The following TEX14 variants were observed in gnomAD, a reference collection of about 807,000 sequenced individuals.
TEX14 encodes the protein inactive serine/threonine-protein kinase TEX14.
In TEX14, 168 loss-of-function variants were observed where a neutral mutation model predicts 178.6. That is an observed-to-expected ratio of 0.94 (90% CI 0.83 to 1.07). TEX14 has a LOEUF of 1.07. Ranked by LOEUF, TEX14 falls within the 50% of genes least tolerant of loss-of-function variation. The pLI is 0.00. For missense variants in TEX14, 1,730 were observed against 1,753.6 expected (o/e 0.99, Z 0.24); for synonymous variants, 626 against 634.1 (o/e 0.99, Z 0.19).
intron 1 of TEX14, among the ~76,000 whole-genome samples, chr17:58,685,181 T>C (rs1180513495): frequency 6.6e-6 from 1 of 151,276 alleles, no homozygotes; most frequent in African/African-American, 2.4e-5. Context: ...GGACCTGTTT[T>C]GAAGCACGTT....
At position 58,565,751 on chromosome 17, in the gene TEX14, T is replaced by C. The variant is rs769408547; in HGVS notation, c.3960A>G (p.Ala1320=). 2 of 1,606,786 alleles carry C rather than the reference T, an allele frequency of 1.2e-6. No individual in the cohort carries two copies. Among genetic ancestry groups the C allele is most frequent in the South Asian group, 1.1e-5 (1 of 89,154 alleles). ...CAATCTAGGTAGTTCACTTACCATT[T>C]GCAGTGCCTCCTCCATCACTTGCTG... ...ENTASDGGGT[A]NDQRHLEEQE... The change falls in exon 27 of 32, where the codon GCA becomes GCG. Residue 1320 remains alanine (A), a synonymous_variant. Transcript: ENST00000349033.
chr17:58,671,331 C>A (rs905898897), intron 1 of TEX14, among the ~76,000 whole-genome samples: 9 of 152,186 alleles, frequency 5.9e-5, no homozygotes. Context: ...CTAACATATA[C>A]ACATAGCAGT....
chr17:58,608,053 C>T (rs1198955101), intron 10 of TEX14, among the ~76,000 whole-genome samples: 1 of 152,118 alleles, frequency 6.6e-6, no homozygotes, highest in Non-Finnish European at 1.5e-5. Flanking sequence ...GAGGCCAGGT[C>T]GGGCAGATCG....
intron 2 of TEX14, among the ~76,000 whole-genome samples, chr17:58,650,862 C>G (rs2046825767): frequency 6.6e-6 from 1 of 152,168 alleles, no homozygotes; most frequent in Non-Finnish European, 1.5e-5. Flanking sequence ...GCTATTGAAG[C>G]AAGTGGAGAA....
intron 17 of TEX14, among the ~76,000 whole-genome samples, chr17:58,586,309 C>T (rs2044973031): frequency 6.6e-6 from 1 of 151,658 alleles, no homozygotes. Flanking sequence ...AACAACAGCC[C>T]TTGTTGCTTA....
At chr17:58,679,024 T>C (rs1033227546) in intron 1 of TEX14, among the ~76,000 whole-genome samples, 8 of 151,520 alleles carry the variant, frequency 5.3e-5, no homozygotes, top group Non-Finnish European at 1.2e-4. Context: ...CGTGGTGGCG[T>C]GTGCCTGTAA....
chr17:58,634,001 C>T (rs1051876960), intron 2 of TEX14, among the ~76,000 whole-genome samples: 1 of 149,734 alleles, frequency 6.7e-6, no homozygotes. Context: ...AGGAAAGAAG[C>T]CAAAAAGTAG....
At chr17:58,682,274 T>TG (rs1292572783) in intron 1 of TEX14, among the ~76,000 whole-genome samples, 8 of 149,952 alleles carry the variant, frequency 5.3e-5, no homozygotes, top group African/African-American at 9.8e-5. Flanking sequence ...TTTTTTTTTT[T>TG]TGTGACAGAG....
chr17:58,672,083 G>C (rs2047313603), intron 1 of TEX14, among the ~76,000 whole-genome samples: 1 of 152,140 alleles, frequency 6.6e-6, no homozygotes, highest in African/African-American at 2.4e-5. Context: ...CATTAGTTAG[G>C]TTCTCATAAG....
intron 15 of TEX14, among the ~76,000 whole-genome samples, chr17:58,591,804 T>G (rs978124377): frequency 6.6e-6 from 1 of 151,742 alleles, no homozygotes; most frequent in South Asian, 2.1e-4. Context: ...ACACCTATAA[T>G]CCCAGTACTT....
intron 10 of TEX14, among the ~76,000 whole-genome samples, chr17:58,605,427 A>C (rs188352416): frequency 3.3e-4 from 50 of 152,316 alleles, no homozygotes; most frequent in African/African-American, 1.2e-3. Context: ...TTTAATCAAC[A>C]TACTACATTT....
chr17:58,669,536 C>A (rs1217526323), intron 1 of TEX14, among the ~76,000 whole-genome samples: 1 of 151,656 alleles, frequency 6.6e-6, no homozygotes, highest in Non-Finnish European at 1.5e-5. Context: ...GAGTTCGAAA[C>A]CAGCCTGACC....
chr17:58,609,485 C>T (rs982699808), intron 10 of TEX14, among the ~76,000 whole-genome samples: 14 of 152,236 alleles, frequency 9.2e-5, no homozygotes, highest in African/African-American at 2.4e-4. Flanking sequence ...TCAGGTGATC[C>T]GCATGCCTCA....
chr17:58,571,827 T>C (rs1005005868), intron 24 of TEX14, 94 bp downstream of exon 24: 6 of 1,117,764 alleles, frequency 5.4e-6, no homozygotes, highest in Admixed American at 1.8e-5. Context: ...TATTTCTTGC[T>C]TTCTTAATGA....
At position 58,601,966 on chromosome 17, in the gene TEX14, A is replaced by G; in HGVS notation, c.1528-10T>C. The G allele has an allele frequency of 6.2e-7, 1 of 1,612,596 alleles. No individual in the cohort carries two copies. Among genetic ancestry groups the G allele is most frequent in the Non-Finnish European group, 8.5e-7 (1 of 1,179,734 alleles). On this transcript the variant is annotated splice_polypyrimidine_tract_variant and intron_variant, in intron 12 of 31. Transcript: ENST00000349033. ...GGGCTCCAGTAAAATCCTGTAACAC[A>G]GGAAATATTGTCAAGGACATAGTCT...
intron 1 of TEX14, chr17:58,661,044 C>G (rs776735717): frequency 1.8e-6 from 2 of 1,112,952 alleles, no homozygotes; most frequent in Non-Finnish European, 2.8e-6. Flanking sequence ...TCATTATCTG[C>G]TTGACCACTT....
At chr17:58,607,503 T>TG (rs11383348) in intron 10 of TEX14, among the ~76,000 whole-genome samples, 151,423 of 152,324 alleles carry the variant, frequency 0.99, 75,279 homozygotes, top group Middle Eastern at 1. Flanking sequence ...CTCTACTATC[T>TG]GTTTAGCCCC....
chr17:58,617,257 A>T (rs909969954), intron 6 of TEX14, among the ~76,000 whole-genome samples: 3 of 152,238 alleles, frequency 2.0e-5, no homozygotes, highest in Non-Finnish European at 4.4e-5. Flanking sequence ...TCTCAAAAAA[A>T]TAATAATTAA....
chr17:58,560,910 C>A (rs980827056), intron 29 of TEX14, among the ~76,000 whole-genome samples: 1 of 152,232 alleles, frequency 6.6e-6, no homozygotes, highest in East Asian at 1.9e-4. Context: ...ACAGGCCTCA[C>A]AGAGTCATTG....
Sources: allele counts gnomAD v4.1 joint callset (sites outside exome capture counted in the v4.1 genomes callset), GRCh38; gene constraint gnomAD v4.1.1; transcripts MANE v1.5; gene names NCBI Gene and HGNC (gene_info 2026-07-23, HGNC 2026-07-21).